The following FMO5 variants were observed in gnomAD, a reference collection of about 807,000 sequenced individuals.
The protein encoded by FMO5 is flavin-containing monooxygenase 5.
FMO5 carries 51 observed loss-of-function variants against 43.6 expected under a neutral mutation model. The ratio of observed to expected loss-of-function variants is 1.17; its 90% CI spans 0.93 to 1.48. The LOEUF is 1.48. FMO5 is among the 40% of genes most tolerant of loss of function. FMO5 has a pLI of 0.00. For synonymous variants in FMO5, 187 were observed against 216.5 expected (o/e 0.86, Z 1.20); for missense variants, 644 against 643.0 (o/e 1.00, Z -0.02).
intron 8 of FMO5, among the ~76,000 whole-genome samples, chr1:147,188,522 C>CAAA (rs10552833): frequency 9.3e-4 from 57 of 61,198 alleles, no homozygotes; most frequent in Non-Finnish European, 1.2e-3. Context: ...GACCCCATAT[C>CAAA]AAAAAAAAAA....
intron 6 of FMO5, chr1:147,203,149 T>C: frequency 1.8e-6 from 1 of 545,022 alleles, no homozygotes; most frequent in Non-Finnish European, 3.2e-6. Context: ...ATGTTTATTA[T>C]AACATCCAGC....
Position 147,215,815 on chromosome 1 carries a change from A to T in FMO5, c.263T>A (p.Val88Asp). ...GGCATACATCCTGAAATACTCCAGG[A>T]CCTGGGCATTATGCATGAAGTTGGG... Reference protein sequence around the residue: ...HYPNFMHNAQVLEYFRMYAKE... With the variant: ...HYPNFMHNAQDLEYFRMYAKE... The change falls in exon 3 of 9, where the codon GTC (valine) becomes GAC (aspartate). Residue 88 changes from valine to aspartate, a missense_variant. Physicochemically the swap from Val to Asp is radical, Grantham distance 152 (BLOSUM62 -3). Transcript: ENST00000254090. 2 of 1,613,954 alleles carry T rather than the reference A, an allele frequency of 1.2e-6. No homozygotes were observed. Among genetic ancestry groups the T allele is most frequent in the Non-Finnish European group, 1.7e-6 (2 of 1,179,852 alleles).
At chr1:147,187,763 C>A (rs1420846099) in intron 8 of FMO5, among the ~76,000 whole-genome samples, 2 of 152,078 alleles carry the variant, frequency 1.3e-5, no homozygotes, top group African/African-American at 4.8e-5. Flanking sequence ...GAGGAAGTAG[C>A]CCTCCAAATG....
At chr1:147,209,470 A>T in intron 5 of FMO5, among the ~76,000 whole-genome samples, 1 of 150,888 alleles carries the variant, frequency 6.6e-6, no homozygotes, top group East Asian at 1.9e-4. Flanking sequence ...CAAACTCATT[A>T]GTCTGGCTTT....
chr1:147,215,974 T>G (rs781923089), intron 2 of FMO5, 32 bp from the exon 3 acceptor site: 10 of 1,519,314 alleles, frequency 6.6e-6, no homozygotes, highest in African/African-American at 1.4e-5. Context: ...CATAGCAACT[T>G]GAGGATCATC....
chr1:147,203,364 A>G, intron 6 of FMO5: 9 of 1,224,706 alleles, frequency 7.3e-6, no homozygotes, highest in Non-Finnish European at 1.1e-5. Context: ...GACCCACTCT[A>G]AGTACAGTGA....
chr1:147,224,769 C>T, intron 2 of FMO5, 126 bp downstream of exon 2: 1 of 846,288 alleles, frequency 1.2e-6, no homozygotes, highest in Non-Finnish European at 1.9e-6. Flanking sequence ...CTCGGCCTCC[C>T]AAAGTGCTAG....
At position 147,186,574 on chromosome 1, in the gene FMO5, T is replaced by C. The variant is rs1382755718; in HGVS notation, c.*326A>G. ...TGACTTACTCTCCCTACCATAAAATTTGATAAACAACAAACATTTATTAAG... is the reference window on the plus strand; with the variant it reads ...TGACTTACTCTCCCTACCATAAAATCTGATAAACAACAAACATTTATTAAG... On this transcript the variant is annotated 3_prime_UTR_variant, in exon 9 of 9. Transcript: ENST00000254090. 45 of 1,032,578 alleles carry C rather than the reference T, an allele frequency of 4.4e-5. No homozygotes were observed. The highest frequency in any genetic ancestry group is 4.6e-5 in the Non-Finnish European group (40 of 861,798). The allele number at this position is 1,032,578 out of a possible 1,614,324, so 64.0% of individuals were successfully genotyped here.
Position 147,186,883 on chromosome 1 carries a change from C to T in FMO5, c.*17G>A, listed in dbSNP as rs1553917166. On this transcript the variant is annotated 3_prime_UTR_variant, in exon 9 of 9. Coordinates refer to ENST00000254090, the MANE Select transcript of FMO5 (RefSeq NM_001461.4). ...ATAAGCTTCCCAATGAAAAACAGGGCAGTGACAATAGGACAACTAGAAGTA... is the reference window on the plus strand; with the variant it reads ...ATAAGCTTCCCAATGAAAAACAGGGTAGTGACAATAGGACAACTAGAAGTA... The T allele has an allele frequency of 6.3e-7, 1 of 1,596,014 alleles. No individual in the cohort carries two copies. The highest frequency in any genetic ancestry group is 1.1e-5 in the South Asian group (1 of 87,840).
Position 147,208,832 on chromosome 1 carries a change from C to A in FMO5, c.830+20G>T. 6.2e-7 allele frequency: 1 copy of A among 1,602,538 alleles called. No homozygotes were observed. The highest frequency in any genetic ancestry group is 1.1e-5 in the South Asian group (1 of 90,722). On this transcript the variant is annotated intron_variant, in intron 6 of 8. Coordinates refer to ENST00000254090, the MANE Select transcript of FMO5 (RefSeq NM_001461.4). Reference sequence around the variant, plus strand: ...TTGTGCTTTGGCCACTATCCCTGCACTCCCATCCTGGGAACATACCTGTGT... The same window carrying A: ...TTGTGCTTTGGCCACTATCCCTGCAATCCCATCCTGGGAACATACCTGTGT...
chr1:147,203,741 G>A (rs1177842221), intron 6 of FMO5: 4 of 1,533,856 alleles, frequency 2.6e-6, no homozygotes, highest in South Asian at 1.1e-5. Flanking sequence ...AACTTTGAAA[G>A]TATTAACACC....
intron 8 of FMO5, among the ~76,000 whole-genome samples, chr1:147,189,448 TCTC>T (rs1231374863): frequency 6.6e-6 from 1 of 152,018 alleles, no homozygotes; most frequent in Non-Finnish European, 1.5e-5. Context: ...AAACTTACTT[TCTC>T]CTCCTCCCAC....
chr1:147,215,277 T>C (rs1232657508), intron 3 of FMO5: 1 of 152,290 alleles, frequency 6.6e-6, no homozygotes, highest in Non-Finnish European at 1.5e-5. Context: ...AATTCCATGT[T>C]CTCCCCTCTA....
chr1:147,217,663 A>G (rs1190381165), intron 2 of FMO5, among the ~76,000 whole-genome samples: 3 of 152,218 alleles, frequency 2.0e-5, no homozygotes, highest in Non-Finnish European at 4.4e-5. Flanking sequence ...ACTGCTAATA[A>G]CATTTTCATA....
chr1:147,190,193 CTT>C lies in FMO5; in HGVS notation c.1238_1239del (p.Gln413ArgfsTer4), dbSNP rs1425159478. The C allele has an allele frequency of 3.7e-6, 6 of 1,610,272 alleles. No homozygotes were observed. Among genetic ancestry groups the C allele is most frequent in the Non-Finnish European group, 5.1e-6 (6 of 1,177,430 alleles). On this transcript the variant is annotated frameshift_variant, in exon 8 of 9. Transcript: ENST00000254090. LOFTEE classifies it low-confidence loss of function (END_TRUNC). ...GTTTCTTACCTTTTGTCAATTTCCT[CTT>C]GAGCTTTAGATATTTCTGCCATCAT... Reference protein sequence around the residue: ...SEMMAEISKAQEEIDKRYVES... With the variant: ...SEMMAEISKAXEEIDKRYVES...
intron 6 of FMO5, among the ~76,000 whole-genome samples, chr1:147,205,387 A>G (rs1256247108): frequency 6.6e-6 from 1 of 152,202 alleles, no homozygotes; most frequent in Non-Finnish European, 1.5e-5. Flanking sequence ...AACTGACATA[A>G]TGTGGTTCTT....
At chr1:147,209,301 G>A (rs1380586983) in intron 5 of FMO5, among the ~76,000 whole-genome samples, 7 of 152,052 alleles carry the variant, frequency 4.6e-5, no homozygotes, top group Admixed American at 1.3e-4. Flanking sequence ...AGCCAGGCGT[G>A]GTTGCAGGTG....
At chr1:147,218,438 A>C (rs1371458046) in intron 2 of FMO5, among the ~76,000 whole-genome samples, 1 of 151,802 alleles carries the variant, frequency 6.6e-6, no homozygotes, top group South Asian at 2.1e-4. Context: ...GGGTTTCACC[A>C]TGTTAGCCAG....
At chr1:147,216,090 TC>T in intron 2 of FMO5, 148 bp from the exon 3 acceptor site, 1 of 586,554 alleles carries the variant, frequency 1.7e-6, no homozygotes, top group Middle Eastern at 3.8e-4. Flanking sequence ...TGTAGTCCCT[TC>T]CCCTTGAATC....
Sources: allele counts gnomAD v4.1 joint callset (sites outside exome capture counted in the v4.1 genomes callset), GRCh38; gene constraint gnomAD v4.1.1; transcripts MANE v1.5; gene names NCBI Gene and HGNC (gene_info 2026-07-23, HGNC 2026-07-21).